Variants in ADARB2 observed in about 807,000 individuals in gnomAD.
ADARB2 encodes inactive double-stranded RNA-specific editase B2.
In ADARB2, 25 loss-of-function variants were observed where a neutral mutation model predicts 62.2. That is an observed-to-expected ratio of 0.40 (90% CI 0.29 to 0.56). The LOEUF (loss-of-function observed/expected upper bound fraction) is 0.56, where lower values mean the gene tolerates loss of function less well. ADARB2 is among the 20% of genes least tolerant of loss of function. ADARB2 has a pLI of 0.43. For missense variants in ADARB2, 1,071 were observed against 1,077.4 expected (o/e 0.99, Z 0.08); for synonymous variants, 572 against 500.8 (o/e 1.14, Z -1.90).
chr10:1,730,500 A>G (rs1835217086), intron 1 of ADARB2, among the ~76,000 whole-genome samples: 1 of 152,204 alleles, frequency 6.6e-6, no homozygotes, highest in Admixed American at 6.5e-5. Context: ...CTGCCTTGGA[A>G]GCAGCTCAAC....
chr10:1,380,649 A>G (rs1265266200), intron 1 of ADARB2, among the ~76,000 whole-genome samples: 1 of 152,196 alleles, frequency 6.6e-6, no homozygotes, highest in Non-Finnish European at 1.5e-5. Context: ...GCCTGTTAAC[A>G]GCTGTTGTTT....
At chr10:1,512,266 G>A (rs1831946987) in intron 1 of ADARB2, among the ~76,000 whole-genome samples, 1 of 151,582 alleles carries the variant, frequency 6.6e-6, no homozygotes, top group Non-Finnish European at 1.5e-5. Context: ...AGACGTTGAT[G>A]CTTCTACACT....
At position 1,182,531 on chromosome 10, in the gene ADARB2, T is replaced by TCTGCAGCACG. The variant is rs1554741311; in HGVS notation, c.*661_*662insCGTGCTGCAG. 6.5e-6 allele frequency: 1 copy of TCTGCAGCACG among 152,690 alleles called. No individual in the cohort carries two copies. Among genetic ancestry groups the TCTGCAGCACG allele is most frequent in the Non-Finnish European group, 1.5e-5 (1 of 68,388 alleles). The allele number at this position is 152,690 out of a possible 1,614,324, so 9.5% of individuals were successfully genotyped here. A position where few individuals can be genotyped will look rare whatever the true frequency, so the allele number is the denominator to read the frequency against. On this transcript the variant is annotated 3_prime_UTR_variant, in exon 10 of 10. Transcript: ENST00000381312. ...GCCGGGTGTTTCCAGGCTCCCCACG[T>TCTGCAGCACG]CACAGGTCTTAACTCTGCCTCGCAG... is the stretch of plus-strand genomic sequence containing the variant.
chr10:1,531,414 T>C (rs1832238125), intron 1 of ADARB2, among the ~76,000 whole-genome samples: 1 of 152,182 alleles, frequency 6.6e-6, no homozygotes, highest in Non-Finnish European at 1.5e-5. Context: ...AGTTCCTTAA[T>C]TAAAAATCCT....
At chr10:1,557,039 A>C in intron 1 of ADARB2, 1 of 356,642 alleles carries the variant, frequency 2.8e-6, no homozygotes, top group Admixed American at 3.9e-5. Flanking sequence ...CATCACCAAA[A>C]CCTGTCCCTC....
intron 1 of ADARB2, among the ~76,000 whole-genome samples, chr10:1,419,463 A>G (rs536118628): frequency 3.9e-5 from 6 of 152,358 alleles, no homozygotes; most frequent in South Asian, 2.1e-4. Flanking sequence ...AGCAGAATCC[A>G]TATGAGAAGT....
rs193288316 is a variant in ADARB2 at position 1,424,768 on chromosome 10, C to T, written c.101-45608G>A. ...TGCTCTGCTGCGGAAAGCATCTTTG[C>T]ACTAATTTGTTTGTCAGTGTCCATT... On this transcript the variant is annotated intron_variant, in intron 1 of 9. Coordinates refer to ENST00000381312, the MANE Select transcript of ADARB2 (RefSeq NM_018702.4). 1.2e-4 allele frequency among the ~76,000 whole-genome samples: 19 copies of T among 152,238 alleles called. No individual in the cohort carries two copies. The East Asian group carries it at 3.7e-3, about 29-fold the overall frequency.
chr10:1,424,314 C>T (rs577982606), intron 1 of ADARB2, among the ~76,000 whole-genome samples: 2 of 152,306 alleles, frequency 1.3e-5, no homozygotes, highest in South Asian at 4.1e-4. Context: ...CTAACTACCT[C>T]CTGGCCTAAT....
chr10:1,454,744 G>T (rs899486087), intron 1 of ADARB2, among the ~76,000 whole-genome samples: 4 of 152,100 alleles, frequency 2.6e-5, no homozygotes, highest in Admixed American at 2.6e-4. Flanking sequence ...TAGACGGATG[G>T]TGGTGATTGC....
chr10:1,735,460 T>C (rs1835289072), intron 1 of ADARB2, among the ~76,000 whole-genome samples: 1 of 152,208 alleles, frequency 6.6e-6, no homozygotes, highest in African/African-American at 2.4e-5. Context: ...TCCACATTCT[T>C]CAACTCTAAA....
Position 1,469,140 on chromosome 10 carries a change from G to C in ADARB2, c.101-89980C>G, listed in dbSNP as rs143423969. Among the ~76,000 whole-genome samples, 6 of 152,338 alleles carry C rather than the reference G, an allele frequency of 3.9e-5. No individual in the cohort carries two copies. The East Asian group carries it at 1.2e-3, about 29-fold the overall frequency. Reference sequence around the variant, plus strand: ...GCATAAAGTGCTGATCACAGACACTGAAAGAGTCGTTTCTATTAGAGATGG... The same window carrying C: ...GCATAAAGTGCTGATCACAGACACTCAAAGAGTCGTTTCTATTAGAGATGG... On this transcript the variant is annotated intron_variant, in intron 1 of 9. Transcript: ENST00000381312.
In ADARB2 at chr10:1,510,152, CTTTCTT is replaced by C. The variant is rs1564312624; in HGVS notation, c.101-130998_101-130993del. Among the ~76,000 whole-genome samples the C allele has an allele frequency of 4.2e-3, 509 of 121,424 alleles. 4 individuals are homozygous for C. The highest frequency in any genetic ancestry group is 0.016 in the African/African-American group (488 of 31,102). 79.7% of individuals were successfully genotyped at this position (121,424 alleles called of 152,430 possible). ...TCTTTCTTTCTTTCTTTCTTTCTTT[CTTTCTT>C]TCTTTCTTTCTTTTTCTTTCTTTCT... On this transcript the variant is annotated intron_variant, in intron 1 of 9. Coordinates refer to ENST00000381312, the MANE Select transcript of ADARB2 (RefSeq NM_018702.4).
Position 1,450,319 on chromosome 10 carries a change from G to A in ADARB2, c.101-71159C>T, listed in dbSNP as rs74122630. On this transcript the variant is annotated intron_variant, in intron 1 of 9. Transcript: ENST00000381312. ...TAATCTTTGGAAAATCATTATGGGT[G>A]TGTCTGTCCACTTCGTTTCCTGCTG... 4.2e-3 allele frequency among the ~76,000 whole-genome samples: 646 copies of A among 152,358 alleles called. 2 individuals are homozygous for A. The highest frequency in any genetic ancestry group is 0.015 in the African/African-American group (611 of 41,578).
intron 3 of ADARB2, among the ~76,000 whole-genome samples, chr10:1,348,136 T>TGA (rs1303999754): frequency 1.3e-5 from 2 of 152,264 alleles, no homozygotes; most frequent in South Asian, 2.1e-4. Flanking sequence ...TGCAGTGATT[T>TGA]GCTGAGCACG....
chr10:1,462,798 T>C (rs1224819691), intron 1 of ADARB2, among the ~76,000 whole-genome samples: 3 of 152,080 alleles, frequency 2.0e-5, no homozygotes, highest in Non-Finnish European at 2.9e-5. Flanking sequence ...TGTGCATGTG[T>C]ATGTACATGT....
chr10:1,275,515 C>CTT (rs11447456), intron 3 of ADARB2, among the ~76,000 whole-genome samples: 15 of 151,186 alleles, frequency 9.9e-5, no homozygotes, highest in East Asian at 5.9e-4. Context: ...TCCTTCTTTT[C>CTT]TTTTTTTTTA....
chr10:1,434,692 T>C (rs763326588), intron 1 of ADARB2, among the ~76,000 whole-genome samples: 1 of 152,178 alleles, frequency 6.6e-6, no homozygotes, highest in Non-Finnish European at 1.5e-5. Flanking sequence ...CCCCGGCACC[T>C]GGACCATTTA....
intron 1 of ADARB2, among the ~76,000 whole-genome samples, chr10:1,714,996 TC>T (rs1385645307): frequency 1.6e-5 from 2 of 123,692 alleles, no homozygotes; most frequent in African/African-American, 3.0e-5. Flanking sequence ...ATGCTATCCC[TC>T]CCCCCTCCCC....
chr10:1,438,022 C>T (rs367569906), intron 1 of ADARB2, among the ~76,000 whole-genome samples: 69 of 152,344 alleles, frequency 4.5e-4, no homozygotes, highest in Middle Eastern at 3.4e-3. Context: ...CCCTTCCTGC[C>T]ACCTCTCACT....
Sources: gnomAD v4.1 joint callset for allele counts (sites outside exome capture counted in the v4.1 genomes callset) on GRCh38, gnomAD v4.1.1 for gene constraint, MANE v1.5 for transcripts, NCBI Gene and HGNC (gene_info 2026-07-23, HGNC 2026-07-21) for gene names.